Variants in CRNKL1 observed in about 807,000 individuals in gnomAD.
CRNKL1 encodes the protein crooked neck pre-mRNA splicing factor 1, also known as crooked neck-like protein 1.
CRNKL1 carries 35 observed loss-of-function variants against 103.7 expected under a neutral mutation model. The ratio of observed to expected loss-of-function variants is 0.34; its 90% CI spans 0.26 to 0.45. The LOEUF (loss-of-function observed/expected upper bound fraction) is 0.45. CRNKL1 is among the 20% of genes least tolerant of loss of function. CRNKL1 has a pLI of 1.00. For missense variants in CRNKL1, 645 were observed against 836.0 expected, an observed-to-expected ratio of 0.77 and a Z score of 2.82; for synonymous variants, 267 against 282.6, an observed-to-expected ratio of 0.94 and a Z score of 0.55.
intron 5 of CRNKL1, 149 bp from the exon 6 acceptor site, chr20:20,045,635 T>G (rs2043582138): frequency 1.5e-6 from 1 of 664,622 alleles, no homozygotes; most frequent in Non-Finnish European, 2.5e-6. Context: ...AAGTGTAGAA[T>G]TAAACAGTGG....
Position 20,042,520 on chromosome 20 carries a change from G to C in CRNKL1, c.973-4C>G. On this transcript the variant is annotated splice_region_variant and splice_polypyrimidine_tract_variant and intron_variant, in intron 7 of 13. Coordinates refer to ENST00000536226, the MANE Select transcript of CRNKL1 (RefSeq NM_001278628.2). ...CATCATAATTGTGTGGATTCGCCTAGAAAGACAACCAGTTTAATAAATAAA... is the reference window on the plus strand; with the variant it reads ...CATCATAATTGTGTGGATTCGCCTACAAAGACAACCAGTTTAATAAATAAA... 6.3e-7 allele frequency: 1 copy of C among 1,595,928 alleles called. No individual in the cohort carries two copies.
chr20:20,042,601 G>C, intron 7 of CRNKL1, 85 bp from the exon 8 acceptor site: 1 of 1,269,178 alleles, frequency 7.9e-7, no homozygotes, highest in Non-Finnish European at 1.1e-6. Context: ...AAGGCATCAG[G>C]CTGACTTTCT....
chr20:20,053,698 A>G (rs975979848), upstream of CRNKL1, among the ~76,000 whole-genome samples: 1 of 152,218 alleles, frequency 6.6e-6, no homozygotes, highest in Non-Finnish European at 1.5e-5. Context: ...TATTTGCCAT[A>G]ACTCTTTATT....
chr20:20,039,370 T>C (rs1192150621), intron 11 of CRNKL1, among the ~76,000 whole-genome samples: 1 of 152,144 alleles, frequency 6.6e-6, no homozygotes, highest in Admixed American at 6.5e-5. Context: ...CCCACCCCCA[T>C]GATATCCCAG....
At chr20:20,052,546 C>A, upstream of CRNKL1, 1 of 1,614,180 alleles carries the variant, frequency 6.2e-7, no homozygotes. Flanking sequence ...TGCGCGTCCT[C>A]CTTGCGGCAG....
intron 2 of CRNKL1, among the ~76,000 whole-genome samples, chr20:20,050,202 T>C (rs563388281): frequency 2.0e-3 from 299 of 152,366 alleles, no homozygotes; most frequent in African/African-American, 6.7e-3. Context: ...TTGTTGTCAG[T>C]TGTTCCATCT....
At chr20:20,052,561 T>G (rs749414547), upstream of CRNKL1, 1 of 1,613,950 alleles carries the variant, frequency 6.2e-7, no homozygotes, top group South Asian at 1.1e-5. Flanking sequence ...CGGCAGCGCG[T>G]GGAGTGCGGC....
upstream of CRNKL1, among the ~76,000 whole-genome samples, chr20:20,055,728 A>G (rs982823464): frequency 9.2e-5 from 14 of 152,150 alleles, no homozygotes; most frequent in African/African-American, 1.7e-4. Flanking sequence ...TTTGCTTTCA[A>G]TTTAAAACCA....
intron 6 of CRNKL1, among the ~76,000 whole-genome samples, chr20:20,044,033 C>G (rs576122714): frequency 6.6e-6 from 1 of 152,182 alleles, no homozygotes; most frequent in African/African-American, 2.4e-5. Flanking sequence ...TTCAGGTGAT[C>G]CTCAATTCCT....
chr20:20,049,426 A>G lies in CRNKL1; in HGVS notation c.210T>C (p.Phe70=). 5 of 1,571,622 alleles carry G rather than the reference A, an allele frequency of 3.2e-6. No individual in the cohort carries two copies. Among genetic ancestry groups the G allele is most frequent in the Non-Finnish European group, 4.4e-6 (5 of 1,147,866 alleles). ...TCCTGTTTTTTCTTATATTATCTTC[A>G]AAAGTCTGGAAGAAGGCAAAAAGGG... is the stretch of plus-strand genomic sequence containing the variant. ...NDYKLRKRKT[F]EDNIRKNRTV... The change falls in exon 3 of 14, where the codon TTT becomes TTC. Residue 70 remains phenylalanine (F), a synonymous_variant. Coordinates refer to ENST00000536226, the MANE Select transcript of CRNKL1 (RefSeq NM_001278628.2).
At position 20,037,335 on chromosome 20, in the gene CRNKL1, C is replaced by A; in HGVS notation, c.1884G>T (p.Gln628His). The change falls in exon 13 of 14, where the codon CAG becomes CAT. Residue 628 changes from glutamine to histidine, a missense_variant. Gln to His is a conservative substitution (Grantham distance 24). Around this residue, in one of 2 missense-constraint regions of CRNKL1, gnomAD observed 582 missense variants for 707.7 expected, o/e 0.82. Coordinates refer to ENST00000536226, the MANE Select transcript of CRNKL1 (RefSeq NM_001278628.2). Reference protein sequence around the residue: ...PEKVKKRRKVQTDDGSDAGWE... With the variant: ...PEKVKKRRKVHTDDGSDAGWE... The stretch of plus-strand genomic sequence containing the variant: ...GCAGAGTTCTTACCCCATCATCAGT[C>A]TGGACCTTTCTTCTCTTCTTGACTT... 1 of 1,613,928 alleles carries A rather than the reference C, an allele frequency of 6.2e-7. No individual in the cohort carries two copies. Among genetic ancestry groups the A allele is most frequent in the Non-Finnish European group, 8.5e-7 (1 of 1,180,010 alleles).
intron 12 of CRNKL1, among the ~76,000 whole-genome samples, chr20:20,037,847 G>A (rs776422998): frequency 3.3e-5 from 5 of 152,100 alleles, no homozygotes; most frequent in East Asian, 1.9e-4. Flanking sequence ...CCAGCACTTC[G>A]GGAGGCTGAG....
In CRNKL1 at chr20:20,039,774, T is replaced by C. The variant is rs2043482794; in HGVS notation, c.1380A>G (p.Glu460=). Residue 460 remains glutamate (E), a synonymous_variant, in exon 11 of 14, where the codon GAA becomes GAG. Transcript: ENST00000536226. The stretch of plus-strand genomic sequence containing the variant: ...CATAAAGCTTCCGGCATCTGTCAAA[T>C]TCTCGAAGCTGTAGCTCCAATTCTA... ...VYIELELQLR[E]FDRCRKLYEK... is the part of the protein sequence containing the mutation. 1 of 1,614,260 alleles carries C rather than the reference T, an allele frequency of 6.2e-7. No homozygotes were observed. The highest frequency in any genetic ancestry group is 8.5e-7 in the Non-Finnish European group (1 of 1,180,044).
chr20:20,054,709 C>T (rs554565268), upstream of CRNKL1, among the ~76,000 whole-genome samples: 4 of 152,292 alleles, frequency 2.6e-5, no homozygotes, highest in African/African-American at 4.8e-5. Flanking sequence ...TGCTAACCCC[C>T]GTGCTACTGG....
intron 2 of CRNKL1, among the ~76,000 whole-genome samples, chr20:20,050,224 G>A (rs1033404691): frequency 7.2e-5 from 11 of 152,226 alleles, no homozygotes; most frequent in Admixed American, 3.3e-4. Context: ...CTAAACTTCC[G>A]CTCACTTTGA....
intron 8 of CRNKL1, 123 bp downstream of exon 8, chr20:20,042,202 A>C: frequency 3.6e-6 from 3 of 824,904 alleles, no homozygotes; most frequent in Non-Finnish European, 5.4e-6. Context: ...GATGAACAGA[A>C]GCCTATAAAA....
At chr20:20,041,471 A>C (rs2043512861) in intron 9 of CRNKL1, 95 bp downstream of exon 9, 2 of 1,016,030 alleles carry the variant, frequency 2.0e-6, no homozygotes, top group South Asian at 2.6e-5. Flanking sequence ...ACAGGGAAGC[A>C]TTTTATCAAT....
chr20:20,052,430 A>G lies in CRNKL1; in HGVS notation c.-88T>C. On this transcript the variant is annotated 5_prime_UTR_variant, in exon 1 of 14. Coordinates refer to ENST00000536226, the MANE Select transcript of CRNKL1 (RefSeq NM_001278628.2). ...AGCTCACCGAAACCACAAAGCTTTC[A>G]GAAAACAAACAGGATCTCGGAACCG... The G allele has an allele frequency of 2.5e-6, 4 of 1,614,252 alleles. No individual in the cohort carries two copies. The highest frequency in any genetic ancestry group is 3.4e-6 in the Non-Finnish European group (4 of 1,180,054).
Position 20,050,977 on chromosome 20 carries a change from G to A in CRNKL1, c.52-355C>T, listed in dbSNP as rs145748159. 9.6e-3 allele frequency among the ~76,000 whole-genome samples: 1,460 copies of A among 152,322 alleles called. 15 individuals are homozygous for A. Among genetic ancestry groups the A allele is most frequent in the Non-Finnish European group, 0.016 (1,057 of 68,026 alleles). ...AAATGTGTAGCACATCTTATTAACA[G>A]CATTACAACCTGCATTTACAGAATT... is the stretch of plus-strand genomic sequence containing the variant. On this transcript the variant is annotated intron_variant, in intron 1 of 13. Coordinates refer to ENST00000536226, the MANE Select transcript of CRNKL1 (RefSeq NM_001278628.2).
Sources: gnomAD v4.1 joint callset for allele counts (sites outside exome capture counted in the v4.1 genomes callset) on GRCh38, gnomAD v4.1.1 for gene constraint, gnomAD v4.1.1 regional missense constraint, MANE v1.5 for transcripts, NCBI Gene and HGNC (gene_info 2026-07-23, HGNC 2026-07-21) for gene names.